The following PIGS variants were observed in gnomAD, a reference collection of about 807,000 sequenced individuals.
PIGS encodes phosphatidylinositol glycan anchor biosynthesis class S.
Under a neutral mutation model 58.2 loss-of-function variants are expected in PIGS, and 37 were observed. The ratio of observed to expected loss-of-function variants is 0.64; its 90% CI spans 0.49 to 0.84. The LOEUF (loss-of-function observed/expected upper bound fraction) is 0.84. Ranked by LOEUF, PIGS falls within the 40% of genes least tolerant of loss-of-function variation. The pLI is 0.00. For synonymous variants in PIGS, 269 were observed against 289.2 expected, an observed-to-expected ratio of 0.93 and a Z score of 0.71; for missense variants, 629 against 710.8, an observed-to-expected ratio of 0.88 and a Z score of 1.31.
chr17:28,565,718 G>C (rs1172164077), intron 3 of PIGS, among the ~76,000 whole-genome samples: 1 of 152,022 alleles, frequency 6.6e-6, no homozygotes, highest in African/African-American at 2.4e-5. Flanking sequence ...GTGAGACCCC[G>C]TCTCTACAAA....
intron 3 of PIGS, among the ~76,000 whole-genome samples, chr17:28,564,367 A>C (rs1411196612): frequency 6.6e-6 from 1 of 152,146 alleles, no homozygotes; most frequent in African/African-American, 2.4e-5. Flanking sequence ...CATGAGTTGG[A>C]GATTAGCCTG....
chr17:28,567,864 T>C (rs2070402699), intron 3 of PIGS, among the ~76,000 whole-genome samples: 1 of 152,182 alleles, frequency 6.6e-6, no homozygotes, highest in South Asian at 2.1e-4. Flanking sequence ...CAACACTTGC[T>C]CTTAACTCGG....
In PIGS at chr17:28,570,958, G is replaced by A; in HGVS notation, c.180C>T (p.Arg60=). The change falls in exon 3 of 12, where the codon CGC becomes CGT. Residue 60 remains arginine (R), a synonymous_variant. Transcript: ENST00000308360. ...QISGLNALQL[R]LMVPVTVVFT... is the part of the protein sequence containing the mutation. ...ACACGACAGTGACAGGCACCATGAG[G>A]CGGAGCTACAGGAAGGAGCATCAGG... 1 of 1,614,238 alleles carries A rather than the reference G, an allele frequency of 6.2e-7. No individual in the cohort carries two copies. The highest frequency in any genetic ancestry group is 8.5e-7 in the Non-Finnish European group (1 of 1,180,048).
rs2070309142 is a variant in PIGS, at chr17:28,554,148, G to A, written c.*72C>T. 3 of 1,557,958 alleles carry A rather than the reference G, an allele frequency of 1.9e-6. No individual in the cohort carries two copies. Among genetic ancestry groups the A allele is most frequent in the Admixed American group, 3.6e-5 (2 of 55,930 alleles). On this transcript the variant is annotated 3_prime_UTR_variant, in exon 12 of 12. Transcript: ENST00000308360. Reference sequence around the variant, plus strand: ...TTTAAGTCATTCCGGCAGGCCCCATGTACGTGCCTCACAATCTAACACCGC... The same window carrying A: ...TTTAAGTCATTCCGGCAGGCCCCATATACGTGCCTCACAATCTAACACCGC...
chr17:28,556,263 A>G lies in PIGS; in HGVS notation c.1084T>C (p.Tyr362His), dbSNP rs2070327373. 6.2e-7 allele frequency: 1 copy of G among 1,604,096 alleles called. No individual in the cohort carries two copies. The highest frequency in any genetic ancestry group is 8.5e-7 in the Non-Finnish European group (1 of 1,170,826). Residue 362 changes from tyrosine (Y) to histidine (H), a missense_variant, in exon 10 of 12, where the codon TAT becomes CAT. Tyr to His is a moderately conservative substitution (Grantham distance 83). Coordinates refer to ENST00000308360, the MANE Select transcript of PIGS (RefSeq NM_033198.4). Reference protein sequence around the residue: ...HSPRWGGIMVYNVDSKTYNAS... With the variant: ...HSPRWGGIMVHNVDSKTYNAS... ...TTATAGGTTTTGGAGTCAACATTAT[A>G]TACCTGAAAGGGGGAATGAGATTGC...
chr17:28,563,316 G>T, intron 5 of PIGS, 115 bp downstream of exon 5: 2 of 966,748 alleles, frequency 2.1e-6, no homozygotes, highest in Non-Finnish European at 3.2e-6. Flanking sequence ...TTTTTTTTTG[G>T]AGAGTTTTCT....
chr17:28,554,545 G>A (rs1409872421), intron 11 of PIGS, 50 bp from the exon 12 acceptor site: 1 of 1,577,522 alleles, frequency 6.3e-7, no homozygotes, highest in South Asian at 1.2e-5. Flanking sequence ...CTAGGCATTG[G>A]TGGAAAGGGT....
At chr17:28,570,771 G>T in intron 3 of PIGS, 81 bp downstream of exon 3, 1 of 1,356,004 alleles carries the variant, frequency 7.4e-7, no homozygotes, top group Non-Finnish European at 1.1e-6. Flanking sequence ...TGCGTTTATG[G>T]TACACCCCCG....
chr17:28,568,390 ACC>A (rs1250241762), intron 3 of PIGS, among the ~76,000 whole-genome samples: 1 of 152,212 alleles, frequency 6.6e-6, no homozygotes, highest in Non-Finnish European at 1.5e-5. Flanking sequence ...GGTGTGAGCT[ACC>A]ACATCCAGCT....
chr17:28,567,015 C>A (rs1015522380), intron 3 of PIGS, among the ~76,000 whole-genome samples: 15 of 151,962 alleles, frequency 9.9e-5, no homozygotes, highest in African/African-American at 2.7e-4. Context: ...CAGAGTGAGA[C>A]CCTGTCTCTA....
intron 3 of PIGS, among the ~76,000 whole-genome samples, chr17:28,564,731 A>G (rs1337334453): frequency 4.0e-5 from 6 of 151,688 alleles, no homozygotes; most frequent in Admixed American, 3.9e-4. Flanking sequence ...AAAAAAAAAA[A>G]AGGCAGTTAT....
rs2070428508 is a variant in PIGS, at chr17:28,571,361, G to GC, written c.34+101dup. Reference sequence around the variant, plus strand: ...GAATCTCGTCTGAAGAGACCCCCGAGCCCCCCGTCCGCGGGACCTCTCGCA... The same window carrying GC: ...GAATCTCGTCTGAAGAGACCCCCGAGCCCCCCCGTCCGCGGGACCTCTCGCA... On this transcript the variant is annotated intron_variant, in intron 1 of 11. Coordinates refer to ENST00000308360, the MANE Select transcript of PIGS (RefSeq NM_033198.4). The GC allele has an allele frequency of 1.8e-5, 27 of 1,541,782 alleles. No homozygotes were observed. In the East Asian group the frequency reaches 4.1e-4, roughly 23 times the overall value.
At chr17:28,571,324 C>A in intron 1 of PIGS, 136 bp from the exon 2 acceptor site, 2 of 1,516,262 alleles carry the variant, frequency 1.3e-6, no homozygotes, top group Non-Finnish European at 1.8e-6. Context: ...GGACCCGGCC[C>A]AAGCCTGAAG....
Position 28,560,173 on chromosome 17 carries a change from CT to C in PIGS, c.694del (p.Ser232ValfsTer28), listed in dbSNP as rs765792101. 1 of 1,612,052 alleles carries C rather than the reference CT, an allele frequency of 6.2e-7. No homozygotes were observed. The highest frequency in any genetic ancestry group is 8.5e-7 in the Non-Finnish European group (1 of 1,179,280). On this transcript the variant is annotated frameshift_variant, in exon 7 of 12. Transcript: ENST00000308360. LOFTEE classifies it high-confidence loss of function. ...GGACTTGGGGTCTGGGTTGAGTAAACTGAAGGTGATCTCATAGCCTACAGAA... is the reference window on the plus strand; with the variant it reads ...GGACTTGGGGTCTGGGTTGAGTAAACGAAGGTGATCTCATAGCCTACAGAA... ...KSSLGYEITF[S>X]LLNPDPKSHD... is the part of the protein sequence containing the mutation.
At chr17:28,557,111 G>A (rs1225972771) in intron 8 of PIGS, 139 bp from the exon 9 acceptor site, 2 of 885,678 alleles carry the variant, frequency 2.3e-6, no homozygotes, top group African/African-American at 1.7e-5. Context: ...CCTGTCCAGG[G>A]TGTCTCTAGT....
At chr17:28,567,527 T>C (rs558083948) in intron 3 of PIGS, among the ~76,000 whole-genome samples, 4 of 152,306 alleles carry the variant, frequency 2.6e-5, no homozygotes, top group African/African-American at 9.6e-5. Flanking sequence ...TTGATCCTGA[T>C]GGAATAAACC....
intron 11 of PIGS, 135 bp downstream of exon 11, chr17:28,554,716 A>G: frequency 7.8e-7 from 1 of 1,290,034 alleles, no homozygotes; most frequent in Admixed American, 1.9e-5. Flanking sequence ...ACTGCCGTCT[A>G]GAGGAAGGCT....
chr17:28,564,557 T>C (rs955202353), intron 3 of PIGS, among the ~76,000 whole-genome samples: 3 of 151,692 alleles, frequency 2.0e-5, no homozygotes, highest in Non-Finnish European at 2.9e-5. Flanking sequence ...CTACCAAAAA[T>C]ACAAAAAATT....
chr17:28,571,413 C>T (rs766872624), intron 1 of PIGS, 50 bp downstream of exon 1: 15 of 1,600,890 alleles, frequency 9.4e-6, no homozygotes, highest in Non-Finnish European at 1.7e-6. Flanking sequence ...CCTGCTATTC[C>T]TCCCTTGCCA....
Sources: allele counts gnomAD v4.1 joint callset (sites outside exome capture counted in the v4.1 genomes callset), GRCh38; gene constraint gnomAD v4.1.1; transcripts MANE v1.5; gene names NCBI Gene and HGNC (gene_info 2026-07-23, HGNC 2026-07-21).